Variants in EFCAB11 observed in about 807,000 individuals in gnomAD.
EFCAB11 encodes the protein EF-hand calcium-binding domain-containing protein 11.
EFCAB11 carries 14 observed loss-of-function variants against 23.0 expected under a neutral mutation model. That is an observed-to-expected ratio of 0.61 (90% CI 0.40 to 0.95). The LOEUF (loss-of-function observed/expected upper bound fraction) is 0.95. EFCAB11 is among the 40% of genes least tolerant of loss of function. The pLI is 0.00. For synonymous variants in EFCAB11, 65 were observed against 66.6 expected, an observed-to-expected ratio of 0.98 and a Z score of 0.11; for missense variants, 198 against 195.8, an observed-to-expected ratio of 1.01 and a Z score of -0.07.
At chr14:89,919,332 A>G (rs983449457) in intron 5 of EFCAB11, among the ~76,000 whole-genome samples, 1 of 152,214 alleles carries the variant, frequency 6.6e-6, no homozygotes, top group Non-Finnish European at 1.5e-5. Context: ...GAGCAGGTCC[A>G]AGCACCTGAG....
rs1890423433 is a variant in EFCAB11 at position 89,932,472 on chromosome 14, TGC to T, written c.319+52_319+53del. On this transcript the variant is annotated intron_variant, in intron 4 of 5. Coordinates refer to ENST00000316738, the MANE Select transcript of EFCAB11 (RefSeq NM_145231.4). Reference sequence around the variant, plus strand: ...GATTTACTGGGTATATAATCCTATTTGCAATCCCTTAAAAGTAATTTTTTTTA... The same window carrying T: ...GATTTACTGGGTATATAATCCTATTTAATCCCTTAAAAGTAATTTTTTTTA... The T allele has an allele frequency of 2.2e-6, 3 of 1,373,882 alleles. No homozygotes were observed. In the African/African-American group the frequency reaches 4.4e-5, roughly 20 times the overall value. The allele number at this position is 1,373,882 out of a possible 1,614,324, so 85.1% of individuals were successfully genotyped here.
intron 5 of EFCAB11, among the ~76,000 whole-genome samples, chr14:89,927,523 G>A (rs1207822166): frequency 6.6e-6 from 1 of 152,162 alleles, no homozygotes; most frequent in Non-Finnish European, 1.5e-5. Flanking sequence ...CTCAAAAAGT[G>A]AACGTCTAAC....
intron 5 of EFCAB11, among the ~76,000 whole-genome samples, chr14:89,844,798 T>C (rs1887380188): frequency 1.3e-5 from 2 of 152,242 alleles, no homozygotes; most frequent in South Asian, 4.1e-4. Flanking sequence ...TTGTAATTCC[T>C]TCTGGGACTT....
chr14:89,907,709 G>T (rs1433955909), intron 5 of EFCAB11, among the ~76,000 whole-genome samples: 1 of 152,122 alleles, frequency 6.6e-6, no homozygotes, highest in Non-Finnish European at 1.5e-5. Context: ...CTTTTTAAGG[G>T]TACACCTGTG....
intron 3 of EFCAB11, among the ~76,000 whole-genome samples, chr14:89,935,485 G>A (rs868235447): frequency 2.0e-5 from 3 of 148,650 alleles, no homozygotes; most frequent in Non-Finnish European, 3.0e-5. Flanking sequence ...TGGCCACAGC[G>A]CACTGCAGCC....
chr14:89,887,878 T>C (rs1056368985), intron 5 of EFCAB11, among the ~76,000 whole-genome samples: 7 of 152,226 alleles, frequency 4.6e-5, no homozygotes, highest in African/African-American at 1.7e-4. Flanking sequence ...AGCTATAATA[T>C]ATTTTCTTGG....
intron 5 of EFCAB11, among the ~76,000 whole-genome samples, chr14:89,819,735 C>A (rs1886448641): frequency 6.6e-6 from 1 of 152,132 alleles, no homozygotes; most frequent in African/African-American, 2.4e-5. Flanking sequence ...CTGTGCCCAG[C>A]CCCAAAGAAA....
At chr14:89,900,946 A>G in intron 5 of EFCAB11, among the ~76,000 whole-genome samples, 1 of 152,214 alleles carries the variant, frequency 6.6e-6, no homozygotes, top group Non-Finnish European at 1.5e-5. Flanking sequence ...TGGAAATTTT[A>G]AGTCAGTATA....
intron 5 of EFCAB11, among the ~76,000 whole-genome samples, chr14:89,804,149 G>C (rs1431405783): frequency 6.6e-6 from 1 of 152,206 alleles, no homozygotes; most frequent in Admixed American, 6.5e-5. Flanking sequence ...GGACTGCTCT[G>C]ACACCTGGGG....
intron 5 of EFCAB11, among the ~76,000 whole-genome samples, chr14:89,910,935 A>G (rs1452864065): frequency 6.6e-6 from 1 of 152,228 alleles, no homozygotes; most frequent in Admixed American, 6.5e-5. Flanking sequence ...ACTGGAGACA[A>G]TGTAGTATAA....
intron 5 of EFCAB11, among the ~76,000 whole-genome samples, chr14:89,890,022 T>C (rs1379251961): frequency 6.6e-6 from 1 of 152,238 alleles, no homozygotes; most frequent in Non-Finnish European, 1.5e-5. Flanking sequence ...GCGTTGGCCC[T>C]TGGGGACCCA....
chr14:89,842,597 A>AATATGATATG (rs72285203), intron 5 of EFCAB11, among the ~76,000 whole-genome samples: 80 of 70,810 alleles, frequency 1.1e-3, no homozygotes, highest in South Asian at 2.4e-3. Context: ...AATATGATAT[A>AATATGATATG]ATATGATATG....
chr14:89,836,504 G>A (rs1887084200), intron 5 of EFCAB11: 1 of 453,318 alleles, frequency 2.2e-6, no homozygotes, highest in East Asian at 7.0e-5. Context: ...GTTGGGGGCG[G>A]TGTGTCCACA....
At chr14:89,935,071 G>A (rs1005382785) in intron 3 of EFCAB11, among the ~76,000 whole-genome samples, 3 of 152,106 alleles carry the variant, frequency 2.0e-5, no homozygotes, top group Non-Finnish European at 4.4e-5. Context: ...TCTCCTTCCA[G>A]ATGCAACCCA....
intron 5 of EFCAB11, among the ~76,000 whole-genome samples, chr14:89,854,399 G>A (rs982870079): frequency 4.6e-5 from 7 of 152,080 alleles, no homozygotes; most frequent in Admixed American, 3.3e-4. Context: ...GCTGCCCATT[G>A]CTCCCCTCCT....
chr14:89,865,999 G>C (rs1445289822), intron 5 of EFCAB11, among the ~76,000 whole-genome samples: 1 of 151,640 alleles, frequency 6.6e-6, no homozygotes, highest in African/African-American at 2.4e-5. Context: ...TGCCCAGGCT[G>C]GTCTAAAACT....
At chr14:89,871,822 C>A (rs181070822) in intron 5 of EFCAB11, among the ~76,000 whole-genome samples, 1 of 152,204 alleles carries the variant, frequency 6.6e-6, no homozygotes, top group Admixed American at 6.5e-5. Context: ...GTACTGACAT[C>A]GTACAATCTG....
intron 5 of EFCAB11, among the ~76,000 whole-genome samples, chr14:89,930,288 A>G (rs1890345036): frequency 6.6e-6 from 1 of 152,174 alleles, no homozygotes; most frequent in South Asian, 2.1e-4. Flanking sequence ...ACTAATTTCT[A>G]TTGAGAAGGG....
Position 89,849,384 on chromosome 14 carries a change from A to G in EFCAB11, c.411-52060T>C, listed in dbSNP as rs73318875. Among the ~76,000 whole-genome samples the G allele has an allele frequency of 2.3e-3, 348 of 152,344 alleles. 2 individuals carry two copies. The highest frequency in any genetic ancestry group is 8.1e-3 in the African/African-American group (336 of 41,584). ...ATTGGAAGAGTACAAATGTCCAACA[A>G]TTGGCAGATTATGTAAATGAACTGT... is the stretch of plus-strand genomic sequence containing the variant. On this transcript the variant is annotated intron_variant, in intron 5 of 5. Coordinates refer to ENST00000316738, the MANE Select transcript of EFCAB11 (RefSeq NM_145231.4).
Sources: gnomAD v4.1 joint callset for allele counts (sites outside exome capture counted in the v4.1 genomes callset) on GRCh38, gnomAD v4.1.1 for gene constraint, MANE v1.5 for transcripts, NCBI Gene and HGNC (gene_info 2026-07-23, HGNC 2026-07-21) for gene names.